Variants in RHOBTB1 observed in about 807,000 individuals in gnomAD.
RHOBTB1 encodes the protein Rho related BTB domain containing 1.
A neutral mutation model predicts 71.6 loss-of-function variants in RHOBTB1; 40 were observed. The observed-to-expected ratio is 0.56, with a 90% CI of 0.43 to 0.73. The LOEUF (loss-of-function observed/expected upper bound fraction) is 0.73, where lower values mean the gene tolerates loss of function less well. RHOBTB1 is among the 30% of genes least tolerant of loss of function. The pLI, the probability that RHOBTB1 is intolerant of heterozygous loss-of-function variation, is 0.00. For synonymous variants in RHOBTB1, 319 were observed against 334.9 expected (o/e 0.95, Z 0.52); for missense variants, 797 against 894.0 (o/e 0.89, Z 1.38).
At chr10:61,001,161 T>G (rs1277771868) in intron 1 of RHOBTB1, among the ~76,000 whole-genome samples, 1 of 152,092 alleles carries the variant, frequency 6.6e-6, no homozygotes, top group Non-Finnish European at 1.5e-5. Context: ...GCAAGCACCC[T>G]CTGGGGCCCT....
At chr10:60,900,788 T>C (rs570091143) in intron 4 of RHOBTB1, among the ~76,000 whole-genome samples, 28 of 152,322 alleles carry the variant, frequency 1.8e-4, no homozygotes, top group Admixed American at 3.3e-4. Context: ...TGTGAGCCAT[T>C]ACAGTTCTTC....
chr10:60,956,578 A>C (rs2085599950), intron 2 of RHOBTB1, among the ~76,000 whole-genome samples: 1 of 152,176 alleles, frequency 6.6e-6, no homozygotes, highest in African/African-American at 2.4e-5. Context: ...ATTTAGCTGT[A>C]CAAAAATATC....
chr10:60,899,115 C>T (rs565308947), intron 4 of RHOBTB1, among the ~76,000 whole-genome samples: 1 of 152,300 alleles, frequency 6.6e-6, no homozygotes, highest in Non-Finnish European at 1.5e-5. Context: ...ATTTTCTATA[C>T]TTGGCAAATC....
At chr10:60,908,692 C>T (rs142064660) in intron 4 of RHOBTB1, among the ~76,000 whole-genome samples, 39 of 152,248 alleles carry the variant, frequency 2.6e-4, no homozygotes, top group African/African-American at 6.3e-4. Flanking sequence ...TTTGGCATTA[C>T]GTCAATGTGA....
chr10:60,863,016 AG>A, the RHOBTB1 span, among the ~76,000 whole-genome samples: 25 of 152,220 alleles, frequency 1.6e-4, no homozygotes, highest in East Asian at 3.7e-3. Flanking sequence ...AAGTTTTAAA[AG>A]TTTACCTCCC....
chr10:60,967,481 G>A (rs908555832), intron 2 of RHOBTB1, among the ~76,000 whole-genome samples: 1 of 151,830 alleles, frequency 6.6e-6, no homozygotes, highest in Non-Finnish European at 1.5e-5. Flanking sequence ...CAGGTTCAAG[G>A]AACACATTGT....
intron 2 of RHOBTB1, among the ~76,000 whole-genome samples, chr10:60,965,415 A>G (rs1281616147): frequency 6.6e-6 from 1 of 152,080 alleles, no homozygotes; most frequent in Non-Finnish European, 1.5e-5. Context: ...TGCTTTGGCA[A>G]TTTATAAGCT....
intron 5 of RHOBTB1, among the ~76,000 whole-genome samples, chr10:60,890,008 C>T (rs540496446): frequency 6.6e-6 from 1 of 152,272 alleles, no homozygotes; most frequent in South Asian, 2.1e-4. Flanking sequence ...GTAAGCCTCA[C>T]AATAGCCCTG....
At chr10:60,940,616 C>G (rs1344560148) in intron 2 of RHOBTB1, among the ~76,000 whole-genome samples, 2 of 152,214 alleles carry the variant, frequency 1.3e-5, no homozygotes, top group African/African-American at 2.4e-5. Context: ...GGTTACCATG[C>G]TTGTGAAGCA....
At chr10:60,886,262 G>C (rs781693843) in intron 6 of RHOBTB1, 32 bp from the exon 7 acceptor site, 1 of 1,558,336 alleles carries the variant, frequency 6.4e-7, no homozygotes. Context: ...ACAACCATGA[G>C]CCAACTTTGC....
chr10:60,983,931 TA>T (rs1444589432), intron 2 of RHOBTB1, among the ~76,000 whole-genome samples: 1 of 152,206 alleles, frequency 6.6e-6, no homozygotes, highest in Non-Finnish European at 1.5e-5. Context: ...AAGATTTCCA[TA>T]GTTTGGATCT....
At chr10:60,987,746 C>T (rs530391538) in intron 1 of RHOBTB1, among the ~76,000 whole-genome samples, 3 of 152,040 alleles carry the variant, frequency 2.0e-5, no homozygotes, top group East Asian at 1.9e-4. Flanking sequence ...TTTTCAAGTA[C>T]GCTTTCCAAG....
intron 1 of RHOBTB1, among the ~76,000 whole-genome samples, chr10:60,986,743 T>G (rs192619742): frequency 6.6e-6 from 1 of 152,086 alleles, no homozygotes; most frequent in South Asian, 2.1e-4. Context: ...AACAGTACTT[T>G]TGCTTGGAGG....
chr10:60,871,613 CAG>C lies in RHOBTB1; in HGVS notation c.1958_1959del (p.Pro653ArgfsTer26). 2 of 1,614,076 alleles carry C rather than the reference CAG, an allele frequency of 1.2e-6. No individual in the cohort carries two copies. Among genetic ancestry groups the C allele is most frequent in the Non-Finnish European group, 1.7e-6 (2 of 1,179,992 alleles). ...TGATCTTCTTCCTTCAGGTACCACA[CAG>C]GGGGCCAGCGGTGCCGCTCGAAGTA... ...QEYFERHRWP[P>X]VWYLKEEDHY... On this transcript the variant is annotated frameshift_variant, in exon 11 of 11. Transcript: ENST00000337910. LOFTEE classifies it high-confidence loss of function.
At chr10:60,956,494 T>C (rs1422092076) in intron 2 of RHOBTB1, among the ~76,000 whole-genome samples, 1 of 152,216 alleles carries the variant, frequency 6.6e-6, no homozygotes, top group Non-Finnish European at 1.5e-5. Flanking sequence ...ACTATAACTT[T>C]TTTATTTTGT....
At chr10:60,944,188 C>G (rs1307854203), upstream of RHOBTB1, 3 of 152,080 alleles carry the variant, frequency 2.0e-5, no homozygotes, top group Non-Finnish European at 2.9e-5. Flanking sequence ...TTCCCAGTCC[C>G]GGGCGAGAGG....
intron 2 of RHOBTB1, among the ~76,000 whole-genome samples, chr10:60,925,648 A>G (rs1341082593): frequency 1.3e-5 from 2 of 152,270 alleles, no homozygotes; most frequent in South Asian, 4.1e-4. Context: ...TGACAAGATA[A>G]GTAAAATGGA....
chr10:60,899,556 G>A (rs1275413565), intron 4 of RHOBTB1, among the ~76,000 whole-genome samples: 2 of 152,316 alleles, frequency 1.3e-5, no homozygotes, highest in East Asian at 3.9e-4. Context: ...ATGACAAAAG[G>A]ACTCTACCCA....
intron 2 of RHOBTB1, among the ~76,000 whole-genome samples, chr10:60,977,934 C>T (rs556645911): frequency 6.0e-4 from 91 of 152,072 alleles, no homozygotes; most frequent in African/African-American, 2.0e-3. Flanking sequence ...ATCATTTACC[C>T]GTTAACTGAT....
Sources: gnomAD v4.1 joint callset for allele counts (sites outside exome capture counted in the v4.1 genomes callset) on GRCh38, gnomAD v4.1.1 for gene constraint, MANE v1.5 for transcripts, NCBI Gene and HGNC (gene_info 2026-07-23, HGNC 2026-07-21) for gene names.